The following ZNF138 variants were observed in gnomAD, a reference collection of about 807,000 sequenced individuals.
ZNF138 encodes zinc finger protein 138.
A neutral mutation model predicts 33.0 loss-of-function variants in ZNF138; 33 were observed. The observed-to-expected ratio is 1.00, with a 90% confidence interval of 0.76 to 1.34. ZNF138 has a LOEUF of 1.34. ZNF138 is among the 40% of genes most tolerant of loss of function. The probability of loss-of-function intolerance (pLI) is 0.00; values close to 1 mark genes in which losing one functional copy is unlikely to be tolerated. For missense variants in ZNF138, 360 were observed against 370.8 expected (o/e 0.97, Z 0.24); for synonymous variants, 139 against 120.4 (o/e 1.15, Z -1.01).
At chr7:64,823,783 C>G (rs1440761196) in intron 3 of ZNF138, among the ~76,000 whole-genome samples, 1 of 152,064 alleles carries the variant, frequency 6.6e-6, no homozygotes, top group Non-Finnish European at 1.5e-5. Flanking sequence ...ACTAAAAATA[C>G]AAAAATTAGC....
At position 64,833,608 on chromosome 7, in the gene ZNF138, C is replaced by T. The variant is rs1562930190; in HGVS notation, c.*1406C>T. 1 of 152,816 alleles carries T rather than the reference C, an allele frequency of 6.5e-6. No homozygotes were observed. Among genetic ancestry groups the T allele is most frequent in the East Asian group, 1.9e-4 (1 of 5,216 alleles). 9.5% of individuals were successfully genotyped at this position (152,816 alleles called of 1,614,324 possible). A position where few individuals can be genotyped will look rare whatever the true frequency, so the allele number is the denominator to read the frequency against. ...AATGTAGAAAAGCCATTAATATGTGCTTACATCTTATTCAACATTAGAGAG... is the reference window on the plus strand; with the variant it reads ...AATGTAGAAAAGCCATTAATATGTGTTTACATCTTATTCAACATTAGAGAG... On this transcript the variant is annotated 3_prime_UTR_variant, in exon 4 of 4. Transcript: ENST00000307355.
At chr7:64,809,158 C>A (rs1415183498) in intron 1 of ZNF138, among the ~76,000 whole-genome samples, 162 of 120,140 alleles carry the variant, frequency 1.3e-3, no homozygotes, top group African/African-American at 4.8e-3. Flanking sequence ...CCAGTAGGGG[C>A]GGCCGGGCAG....
At chr7:64,851,305 A>C in the ZNF138 span, among the ~76,000 whole-genome samples, 1 of 152,150 alleles carries the variant, frequency 6.6e-6, no homozygotes, top group Non-Finnish European at 1.5e-5. Flanking sequence ...TTTGAGTTAA[A>C]CTTTATTCTT....
the ZNF138 span, among the ~76,000 whole-genome samples, chr7:64,847,020 C>T: frequency 5.3e-5 from 8 of 152,016 alleles, no homozygotes; most frequent in African/African-American, 1.9e-4. Flanking sequence ...TTGAGATAAT[C>T]GTGATTTTTT....
intron 3 of ZNF138, among the ~76,000 whole-genome samples, chr7:64,824,192 GA>G (rs1447282631): frequency 6.6e-6 from 1 of 152,106 alleles, no homozygotes; most frequent in South Asian, 2.1e-4. Flanking sequence ...TGAATGGCGT[GA>G]CACCATCCTC....
intron 2 of ZNF138, 140 bp from the exon 3 acceptor site, chr7:64,815,432 ATATT>A (rs1788536593): frequency 1.7e-6 from 1 of 575,928 alleles, no homozygotes; most frequent in Non-Finnish European, 2.8e-6. Context: ...TTTCTGTTAT[ATATT>A]AGCATTTTGG....
intron 1 of ZNF138, among the ~76,000 whole-genome samples, chr7:64,810,004 T>C: frequency 1.4e-5 from 1 of 73,960 alleles, no homozygotes; most frequent in Non-Finnish European, 2.7e-5. Flanking sequence ...GCTCCTCACA[T>C]CCCAGATGAT....
intron 1 of ZNF138, among the ~76,000 whole-genome samples, chr7:64,795,356 T>G (rs1852204): frequency 1 from 151,628 of 152,244 alleles, 75,508 homozygotes; most frequent in Middle Eastern, 1. Context: ...ATCTTCCCCT[T>G]CATTTTTCAC....
rs531577164 is a variant in ZNF138 at position 64,806,812 on chromosome 7, T to A, written c.4-8106T>A. ...TATATCCAATTAGTAATGTTATTTT[T>A]TGTAAATAAGAATTTCTGGCAACCT... On this transcript the variant is annotated intron_variant, in intron 1 of 3. Transcript: ENST00000307355. Among the ~76,000 whole-genome samples, 15 of 152,368 alleles carry A rather than the reference T, an allele frequency of 9.8e-5. No homozygotes were observed. In the East Asian group the frequency reaches 2.9e-3, roughly 29 times the overall value.
the ZNF138 span, among the ~76,000 whole-genome samples, chr7:64,854,199 C>T: frequency 1.3e-5 from 2 of 152,152 alleles, no homozygotes; most frequent in East Asian, 1.9e-4. Flanking sequence ...TTCTACTATA[C>T]TGTAATAAAA....
intron 1 of ZNF138, among the ~76,000 whole-genome samples, chr7:64,807,432 C>T (rs4717214): frequency 0.99 from 150,127 of 152,336 alleles, 74,013 homozygotes; most frequent in East Asian, 1. Context: ...CTCAAACTTG[C>T]TCCAAATGAA....
intron 1 of ZNF138, among the ~76,000 whole-genome samples, chr7:64,807,742 G>A (rs1302172257): frequency 6.6e-6 from 1 of 152,218 alleles, no homozygotes; most frequent in African/African-American, 2.4e-5. Context: ...CGCTTTGGGA[G>A]TGTGGCTCTT....
the ZNF138 span, among the ~76,000 whole-genome samples, chr7:64,842,841 A>T: frequency 1.3e-5 from 2 of 152,258 alleles, no homozygotes; most frequent in Admixed American, 1.3e-4. Context: ...TGGCAAGAGC[A>T]TGTGACATTG....
At chr7:64,846,500 A>AAT in the ZNF138 span, among the ~76,000 whole-genome samples, 37 of 152,224 alleles carry the variant, frequency 2.4e-4, no homozygotes, top group Admixed American at 2.2e-3. Flanking sequence ...GTATATTCCC[A>AAT]AGTATTTTGT....
At chr7:64,838,949 C>T in the ZNF138 span, among the ~76,000 whole-genome samples, 92,791 of 151,894 alleles carry the variant, frequency 0.61, 28,673 homozygotes, top group East Asian at 0.7. Context: ...GAGATGGCGG[C>T]GGAGAGACTA....
At chr7:64,859,523 T>A in the ZNF138 span, among the ~76,000 whole-genome samples, 2 of 152,216 alleles carry the variant, frequency 1.3e-5, no homozygotes, top group Non-Finnish European at 2.9e-5. Flanking sequence ...AGAACCAAAC[T>A]AGACCTACTA....
At chr7:64,795,943 A>C (rs1368072505) in intron 1 of ZNF138, among the ~76,000 whole-genome samples, 2 of 152,202 alleles carry the variant, frequency 1.3e-5, no homozygotes, top group East Asian at 3.9e-4. Context: ...GGACAACCTG[A>C]GGTTGGAGTG....
the ZNF138 span, among the ~76,000 whole-genome samples, chr7:64,859,777 A>G: frequency 6.6e-6 from 1 of 152,232 alleles, no homozygotes; most frequent in Admixed American, 6.5e-5. Flanking sequence ...ACAATAAATT[A>G]TACTTGTCTC....
downstream of ZNF138, among the ~76,000 whole-genome samples, chr7:64,838,453 G>C (rs1036552219): frequency 7.2e-5 from 11 of 152,148 alleles, no homozygotes; most frequent in Admixed American, 2.6e-4. Context: ...GGTGCCAGAC[G>C]GGGCCTGGGA....
Sources: gnomAD v4.1 joint callset for allele counts (sites outside exome capture counted in the v4.1 genomes callset) on GRCh38, gnomAD v4.1.1 for gene constraint, MANE v1.5 for transcripts, NCBI Gene and HGNC (gene_info 2026-07-23, HGNC 2026-07-21) for gene names.